The following MATN4 variants were observed in gnomAD, a reference collection of about 807,000 sequenced individuals.
The protein encoded by MATN4 is matrilin-4.
Under a neutral mutation model 54.6 loss-of-function variants are expected in MATN4, and 40 were observed. That is an observed-to-expected ratio of 0.73 (90% CI 0.57 to 0.95). MATN4 has a LOEUF of 0.95. Ranked by LOEUF, MATN4 falls within the 40% of genes least tolerant of loss-of-function variation. The pLI, the probability that MATN4 is intolerant of heterozygous loss-of-function variation, is 0.00. For synonymous variants in MATN4, 351 were observed against 345.3 expected (o/e 1.02, Z -0.18); for missense variants, 810 against 819.1 (o/e 0.99, Z 0.13).
chr20:45,301,919 G>A (rs1218547132), intron 3 of MATN4, among the ~76,000 whole-genome samples: 1 of 151,890 alleles, frequency 6.6e-6, no homozygotes, highest in Non-Finnish European at 1.5e-5. Context: ...TCTGTGGGTT[G>A]AGGCTGCCTG....
At position 45,298,153 on chromosome 20, in the gene MATN4, T is replaced by C; in HGVS notation, c.1426+17A>G. The C allele has an allele frequency of 1.3e-6, 2 of 1,597,500 alleles. No individual in the cohort carries two copies. The highest frequency in any genetic ancestry group is 8.6e-7 in the Non-Finnish European group (1 of 1,168,260). Reference sequence around the variant, plus strand: ...TCTGACCCAACCCCAGCCCACTGTGTCCCATGCCAAGCCCACCTTCCTCCT... The same window carrying C: ...TCTGACCCAACCCCAGCCCACTGTGCCCCATGCCAAGCCCACCTTCCTCCT... On this transcript the variant is annotated intron_variant, in intron 7 of 9. Coordinates refer to ENST00000372756, the MANE Select transcript of MATN4 (RefSeq NM_001393530.1). The surrounding 1 kb of genome is among the most constrained non-coding windows in gnomAD (Gnocchi z 4.6).
chr20:45,302,682 G>A (rs1986304689), intron 3 of MATN4, among the ~76,000 whole-genome samples: 1 of 152,204 alleles, frequency 6.6e-6, no homozygotes, highest in Admixed American at 6.5e-5. Flanking sequence ...AGCACACAAA[G>A]AGCTGAGGTG....
Position 45,305,805 on chromosome 20 carries a change from CTTT to C in MATN4, c.-34-192_-34-190del, listed in dbSNP as rs758735302. On this transcript the variant is annotated intron_variant, in intron 1 of 9. Coordinates refer to ENST00000372756, the MANE Select transcript of MATN4 (RefSeq NM_001393530.1). Reference sequence around the variant, plus strand: ...GGATTGCTGGGAAACACAAGAGATTCTTTTTTTTTTTTTTTTTAGATAGAGTCT... The same window carrying C: ...GGATTGCTGGGAAACACAAGAGATTCTTTTTTTTTTTTTTAGATAGAGTCT... Among the ~76,000 whole-genome samples the C allele has an allele frequency of 1.5e-3, 95 of 64,684 alleles. 13 individuals are homozygous for C. Among genetic ancestry groups the C allele is most frequent in the African/African-American group, 5.7e-3 (87 of 15,346 alleles). 42.4% of individuals were successfully genotyped at this position (64,684 alleles called of 152,430 possible).
At chr20:45,308,044 G>T in intron 1 of MATN4, 131 bp downstream of exon 1, 1 of 769,884 alleles carries the variant, frequency 1.3e-6, no homozygotes, top group Non-Finnish European at 2.2e-6. Context: ...GGACCCTGCA[G>T]AAGTGGGGAA....
In MATN4 at chr20:45,304,706, C is replaced by T. The variant is rs372362884; in HGVS notation, c.165G>A (p.Gln55=). Residue 55 remains glutamine, a synonymous_variant, in exon 3 of 10, where the codon CAG becomes CAA. Transcript: ENST00000372756. ...VRPFEFETMR[Q]FLMGLLRGLN... ...GGCCTCGGAGGAGGCCCATGAGGAA[C>T]TGCCGCATGGTCTCGAACTCGAAAG... 1.2e-6 allele frequency: 2 copies of T among 1,612,554 alleles called. No homozygotes were observed. Among genetic ancestry groups the T allele is most frequent in the Admixed American group, 1.7e-5 (1 of 60,014 alleles).
rs893110773 is a variant in MATN4, at chr20:45,304,430, G to C, written c.441C>G (p.Asp147Glu). Reference sequence around the variant, plus strand: ...CGGCCACGCGGTCCTGGGGCCGCCCGTCTGTCACGATGACAGCGACACGCG... The same window carrying C: ...CGGCCACGCGGTCCTGGGGCCGCCCCTCTGTCACGATGACAGCGACACGCG... ...RVPRVAVIVT[D>E]GRPQDRVAEV... Residue 147 changes from aspartate to glutamate, a missense_variant, in exon 3 of 10, where the codon GAC becomes GAG. Coordinates refer to ENST00000372756, the MANE Select transcript of MATN4 (RefSeq NM_001393530.1). 3 of 1,535,474 alleles carry C rather than the reference G, an allele frequency of 2.0e-6. No homozygotes were observed. In the South Asian group the frequency reaches 3.7e-5, roughly 19 times the overall value.
rs2145656417 is a variant in MATN4 at position 45,301,318 on chromosome 20, C to T, written c.766+3G>A. ...GTGGTGGGAGGGTGGGGGTGTTGCT[C>T]ACCCCTGCAGCTCCTCTGGTCCTGC... is the stretch of plus-strand genomic sequence containing the variant. On this transcript the variant is annotated splice_donor_region_variant and intron_variant, in intron 4 of 9. Coordinates refer to ENST00000372756, the MANE Select transcript of MATN4 (RefSeq NM_001393530.1). 1.9e-6 allele frequency: 3 copies of T among 1,614,112 alleles called. No homozygotes were observed. In the South Asian group the frequency reaches 3.3e-5, roughly 18 times the overall value.
intron 2 of MATN4, 50 bp downstream of exon 2, chr20:45,305,460 C>T (rs367913940): frequency 3.6e-5 from 52 of 1,430,754 alleles, no homozygotes; most frequent in East Asian, 1.5e-4. Context: ...AGAGGGAGGA[C>T]CTGCTTCCGC....
chr20:45,305,736 G>T (rs1440237893), intron 1 of MATN4, 120 bp from the exon 2 acceptor site: 8 of 361,300 alleles, frequency 2.2e-5, no homozygotes, highest in East Asian at 1.5e-4. Flanking sequence ...CTATTTTTGT[G>T]TATGTTTGAA....
chr20:45,303,199 C>T (rs909982615), intron 3 of MATN4, among the ~76,000 whole-genome samples: 1 of 151,940 alleles, frequency 6.6e-6, no homozygotes, highest in African/African-American at 2.4e-5. Flanking sequence ...AGAAAGCACA[C>T]TGAACTGTGG....
rs974965312 is a variant in MATN4, at chr20:45,294,009, C to A, written c.1586G>T (p.Gly529Val). 5 of 1,600,652 alleles carry A rather than the reference C, an allele frequency of 3.1e-6. No homozygotes were observed. The highest frequency in any genetic ancestry group is 1.7e-5 in the Admixed American group (1 of 59,610). Residue 529 changes from glycine to valine, a missense_variant, in exon 9 of 10, where the codon GGC becomes GTC. Transcript: ENST00000372756. ...NLRGSICPEE[G>V]ISAGTELRSP... ...CCGAAGCTCTGTCCCTGCGCTGATG[C>A]CCTCCTCTGCAAGCCGGACACAGAG...
chr20:45,297,999 C>A lies in MATN4; in HGVS notation c.1498G>T (p.Ala500Ser). 6.2e-7 allele frequency: 1 copy of A among 1,614,166 alleles called. No individual in the cohort carries two copies. The highest frequency in any genetic ancestry group is 2.2e-5 in the East Asian group (1 of 44,876). ...GGGGCATAGGACACGTGCAGTTCCG[C>A]TGGCTCCGAGGCGATCTCGCGCAGC... ...AELREIASEP[A>S]ELHVSYAPDF... The change falls in exon 8 of 10, where the codon GCG (alanine) becomes TCG (serine). Residue 500 changes from alanine to serine, a missense_variant. By Grantham distance (99) the Ala-to-Ser change is moderately conservative. Transcript: ENST00000372756.
intron 1 of MATN4, among the ~76,000 whole-genome samples, 189 bp from the exon 2 acceptor site, chr20:45,305,805 C>CTCTTTTTTTTTTTTT (rs1986593667): frequency 1.5e-5 from 1 of 64,676 alleles, no homozygotes; most frequent in African/African-American, 6.5e-5. Flanking sequence ...ACAAGAGATT[C>CTCTTTTTTTTTTTTT]TTTTTTTTTT....
At position 45,305,516 on chromosome 20, in the gene MATN4, A is replaced by G. The variant is rs993648781; in HGVS notation, c.67T>C (p.Leu23=). The change falls in exon 2 of 10, where the codon TTG becomes CTG. Residue 23 remains leucine (L), a synonymous_variant. Coordinates refer to ENST00000372756, the MANE Select transcript of MATN4 (RefSeq NM_001393530.1). ...GGGCTGGGCCCCAGTTCACCTGTCAACTGGAGCTGGGTTTCCCAGGGCTGA... is the reference window on the plus strand; with the variant it reads ...GGGCTGGGCCCCAGTTCACCTGTCAGCTGGAGCTGGGTTTCCCAGGGCTGA... ...LLQPWETQLQ[L]TGPRCHTGPL... 1.3e-6 allele frequency: 2 copies of G among 1,554,552 alleles called. No homozygotes were observed. Among genetic ancestry groups the G allele is most frequent in the Non-Finnish European group, 8.7e-7 (1 of 1,148,776 alleles).
Position 45,298,216 on chromosome 20 carries a change from G to A in MATN4, c.1380C>T (p.Arg460=), listed in dbSNP as rs769642486. The change falls in exon 7 of 10, where the codon CGC becomes CGT. Residue 460 remains arginine (R), a synonymous_variant. Coordinates refer to ENST00000372756, the MANE Select transcript of MATN4 (RefSeq NM_001393530.1). The surrounding 1 kb of genome is among the most constrained non-coding windows in gnomAD (Gnocchi z 4.6). ...CCCACACCGAGATGTCATCCTGGGA[G>A]CGGCCATCCGTGAAGACCAGGCCAA... ...PRVGLVFTDG[R]SQDDISVWAA... 1.2e-6 allele frequency: 2 copies of A among 1,605,318 alleles called. No individual in the cohort carries two copies. The highest frequency in any genetic ancestry group is 1.7e-6 in the Non-Finnish European group (2 of 1,173,672).
At chr20:45,306,142 C>T (rs1462695024) in intron 1 of MATN4, among the ~76,000 whole-genome samples, 2 of 152,024 alleles carry the variant, frequency 1.3e-5, no homozygotes, top group Non-Finnish European at 2.9e-5. Context: ...TACATAGATA[C>T]AAATATGCAA....
chr20:45,305,186 G>A (rs1022838209), intron 2 of MATN4, among the ~76,000 whole-genome samples: 1 of 152,228 alleles, frequency 6.6e-6, no homozygotes, highest in Non-Finnish European at 1.5e-5. Flanking sequence ...ATGCCCCTGC[G>A]AATTGGATGT....
chr20:45,302,046 C>T (rs1219010757), intron 3 of MATN4, among the ~76,000 whole-genome samples: 2 of 152,056 alleles, frequency 1.3e-5, no homozygotes, highest in African/African-American at 2.4e-5. Flanking sequence ...TTAGCACATA[C>T]ACGCTTGTGT....
Position 45,300,946 on chromosome 20 carries a change from G to T in MATN4, c.953C>A (p.Ser318Tyr). The T allele has an allele frequency of 6.2e-7, 1 of 1,614,062 alleles. No homozygotes were observed. ...CCCCTCGGGGCACAGGCAGCGGTAG[G>T]AGAGGCCCTCGCTCACACACTGGAA... ...CEFQCVSEGL[S>Y]YRCLCPEGRQ... Residue 318 changes from serine (S) to tyrosine (Y), a missense_variant, in exon 6 of 10, where the codon TCC becomes TAC. Transcript: ENST00000372756.
Sources: allele counts gnomAD v4.1 joint callset (sites outside exome capture counted in the v4.1 genomes callset), GRCh38; gene constraint gnomAD v4.1.1; non-coding constraint Gnocchi (gnomAD v3.1); transcripts MANE v1.5; gene names NCBI Gene and HGNC (gene_info 2026-07-23, HGNC 2026-07-21).